The following BLTP2 variants were observed in gnomAD, a reference collection of about 807,000 sequenced individuals.
BLTP2 encodes bridge-like lipid transfer protein family member 2, also known as U937-associated antigen.
chr17:28,623,751 C>A, the BLTP2 span: 1 of 1,613,008 alleles, frequency 6.2e-7, no homozygotes, highest in Admixed American at 1.7e-5. Context: ...CACAAACTCA[C>A]TGACTAACCT....
chr17:28,624,211 G>A, the BLTP2 span: 6 of 1,609,832 alleles, frequency 3.7e-6, no homozygotes, highest in Non-Finnish European at 5.1e-6. Flanking sequence ...TGATGTTGAG[G>A]TAACTTGTAA....
chr17:28,617,690 G>A, the BLTP2 span, among the ~76,000 whole-genome samples: 1 of 152,130 alleles, frequency 6.6e-6, no homozygotes, highest in Admixed American at 6.6e-5. Flanking sequence ...TTTGCCTCTG[G>A]GCCATACTTC....
chr17:28,633,194 C>T, the BLTP2 span: 1 of 1,594,296 alleles, frequency 6.3e-7, no homozygotes, highest in Non-Finnish European at 8.6e-7. Context: ...GCCCTCAGTG[C>T]CCTGGTCACT....
At chr17:28,617,190 A>G in the BLTP2 span, 1 of 1,533,356 alleles carries the variant, frequency 6.5e-7, no homozygotes, top group Non-Finnish European at 9.0e-7. Context: ...GCCCCGTGCT[A>G]AAAACATGCA....
At chr17:28,639,982 G>A in the BLTP2 span, 21 of 1,613,982 alleles carry the variant, frequency 1.3e-5, no homozygotes, top group African/African-American at 9.3e-5. Context: ...TCCTCATCAC[G>A]GTGGTACAGG....
chr17:28,635,034 T>C, the BLTP2 span: 1 of 1,613,414 alleles, frequency 6.2e-7, no homozygotes, highest in Non-Finnish European at 8.5e-7. Flanking sequence ...TCCCTTGATG[T>C]AGTCCCTTCA....
chr17:28,623,355 A>T, the BLTP2 span, among the ~76,000 whole-genome samples: 1 of 152,114 alleles, frequency 6.6e-6, no homozygotes, highest in African/African-American at 2.4e-5. Flanking sequence ...CTTTCATTCA[A>T]CCTCACTGCC....
chr17:28,644,471 G>A, the BLTP2 span, among the ~76,000 whole-genome samples: 1 of 152,208 alleles, frequency 6.6e-6, no homozygotes, highest in South Asian at 2.1e-4. Flanking sequence ...GGCAGAGAGA[G>A]AAGACCCCAG....
chr17:28,621,661 G>T, the BLTP2 span, among the ~76,000 whole-genome samples: 1 of 152,234 alleles, frequency 6.6e-6, no homozygotes. Context: ...GGACATACTT[G>T]TCTCATTCTC....
the BLTP2 span, chr17:28,619,642 AT>A: frequency 6.2e-7 from 1 of 1,613,214 alleles, no homozygotes; most frequent in Non-Finnish European, 8.5e-7. Flanking sequence ...CAAGGAAAGA[AT>A]GCTGGGGCAC....
the BLTP2 span, chr17:28,614,995 C>T: frequency 2.7e-6 from 4 of 1,456,300 alleles, no homozygotes; most frequent in Non-Finnish European, 2.8e-6. Flanking sequence ...GGAAGCCCCT[C>T]CCACCCCACA....
At chr17:28,617,008 T>C in the BLTP2 span, 7 of 1,599,092 alleles carry the variant, frequency 4.4e-6, no homozygotes, top group Admixed American at 3.4e-5. Flanking sequence ...ACCTGTAGGA[T>C]AGAGAGTAAA....
the BLTP2 span, chr17:28,614,895 T>C: frequency 1.5e-6 from 1 of 673,786 alleles, no homozygotes; most frequent in Non-Finnish European, 2.6e-6. Context: ...GAACTCAGCA[T>C]TACTGTCCAC....
At chr17:28,644,223 T>C in the BLTP2 span, 1 of 1,604,030 alleles carries the variant, frequency 6.2e-7, no homozygotes, top group Non-Finnish European at 8.5e-7. Context: ...TAGGACCTTT[T>C]TCCAATGATG....
chr17:28,634,366 CAAAG>C, the BLTP2 span: 7 of 799,628 alleles, frequency 8.8e-6, no homozygotes, highest in African/African-American at 1.2e-4. Context: ...AATTCAGGAA[CAAAG>C]AAAGGGAAGG....
At chr17:28,644,075 G>C in the BLTP2 span, 2 of 1,614,240 alleles carry the variant, frequency 1.2e-6, no homozygotes, top group Non-Finnish European at 1.7e-6. Context: ...TGCTGGTGTT[G>C]CTGAAACTTA....
At chr17:28,628,177 C>A in the BLTP2 span, 2 of 1,149,878 alleles carry the variant, frequency 1.7e-6, no homozygotes, top group Non-Finnish European at 2.5e-6. Flanking sequence ...GATAGAAGCA[C>A]CATGACTCAG....
At chr17:28,614,577 C>G in the BLTP2 span, 1 of 168,308 alleles carries the variant, frequency 5.9e-6, no homozygotes, top group Non-Finnish European at 1.3e-5. Context: ...GAACTTAGCA[C>G]AGAGACTGGG....
chr17:28,639,072 A>C, the BLTP2 span: 2 of 534,146 alleles, frequency 3.7e-6, no homozygotes, highest in Admixed American at 7.0e-5. Context: ...TCAGTTCAAC[A>C]AACATTTATT....
Sources: allele counts gnomAD v4.1 joint callset (sites outside exome capture counted in the v4.1 genomes callset), GRCh38; gene constraint gnomAD v4.1.1; transcripts MANE v1.5; gene names NCBI Gene and HGNC (gene_info 2026-07-23, HGNC 2026-07-21).